BRF1: variants seen among roughly 807,000 people sequenced by gnomAD.
BRF1 encodes transcription factor IIIB 90 kDa subunit.
BRF1 carries 59 observed loss-of-function variants against 81.7 expected under a neutral mutation model. That is an observed-to-expected ratio of 0.72 (90% confidence interval 0.59 to 0.90). The LOEUF (loss-of-function observed/expected upper bound fraction) is 0.90, where lower values mean the gene tolerates loss of function less well. Among genes scored for constraint, BRF1 ranks in the 40% least tolerant of loss-of-function variants. The probability of loss-of-function intolerance (pLI) is 0.00; values close to 1 mark genes in which losing one functional copy is unlikely to be tolerated. For synonymous variants in BRF1, 491 were observed against 395.6 expected (o/e 1.24, Z -2.86); for missense variants, 1,050 against 936.3 (o/e 1.12, Z -1.58).
intron 3 of BRF1, among the ~76,000 whole-genome samples, chr14:105,272,419 G>C (rs587727180): frequency 6.6e-6 from 1 of 152,206 alleles, no homozygotes; most frequent in Non-Finnish European, 1.5e-5. Flanking sequence ...CACCCAAGGC[G>C]CAGTAGGTCC....
At chr14:105,229,216 G>A (rs587648067) in intron 6 of BRF1, among the ~76,000 whole-genome samples, 36 of 152,348 alleles carry the variant, frequency 2.4e-4, no homozygotes, top group African/African-American at 8.2e-4. Flanking sequence ...TGACTGTGCG[G>A]GAAACACAGC....
intron 5 of BRF1, among the ~76,000 whole-genome samples, chr14:105,244,581 C>G (rs905216750): frequency 2.0e-5 from 3 of 152,096 alleles, no homozygotes; most frequent in African/African-American, 7.2e-5. Flanking sequence ...ACAGGCATGG[C>G]ATTTCATCAT....
intron 15 of BRF1, 122 bp from the exon 16 acceptor site, chr14:105,212,286 G>A (rs2141353790): frequency 7.6e-7 from 1 of 1,318,872 alleles, no homozygotes; most frequent in South Asian, 1.4e-5. Flanking sequence ...CCCTTTGGAA[G>A]CCTGGTTCTG....
At chr14:105,215,888 C>A (rs1188227652) in intron 15 of BRF1, among the ~76,000 whole-genome samples, 5 of 150,582 alleles carry the variant, frequency 3.3e-5, no homozygotes, top group Admixed American at 3.3e-4. Context: ...TGCAGGCATA[C>A]AGACACAGGC....
chr14:105,285,963 T>C (rs1318859737), intron 2 of BRF1, among the ~76,000 whole-genome samples: 1 of 152,230 alleles, frequency 6.6e-6, no homozygotes, highest in Non-Finnish European at 1.5e-5. Flanking sequence ...AACTGGCACT[T>C]TGACAAAACG....
Position 105,218,998 on chromosome 14 carries a change from C to T in BRF1, c.1515G>A (p.Lys505=), listed in dbSNP as rs1891797959. The T allele has an allele frequency of 6.2e-7, 1 of 1,613,760 alleles. No individual in the cohort carries two copies. Among genetic ancestry groups the T allele is most frequent in the South Asian group, 1.1e-5 (1 of 91,090 alleles). Residue 505 remains lysine (K), a splice_region_variant and synonymous_variant, in exon 14 of 18, where the codon AAG becomes AAA. Coordinates refer to ENST00000547530, the MANE Select transcript of BRF1 (RefSeq NM_001519.4). ...CAGGCCCAGCGTCACAGGCGCCCAC[C>T]TTGTGTTCCTTGTAGATGCCGAGCT... is the stretch of plus-strand genomic sequence containing the variant. ...EKELGIYKEH[K]PKKSCKRREP...
intron 1 of BRF1, among the ~76,000 whole-genome samples, chr14:105,294,386 A>G (rs906742248): frequency 5.9e-5 from 9 of 152,080 alleles, no homozygotes; most frequent in Non-Finnish European, 1.3e-4. Context: ...GCTCCACACC[A>G]CCATCCTCCC....
chr14:105,228,566 G>T (rs9806114), intron 7 of BRF1, among the ~76,000 whole-genome samples: 2 of 151,568 alleles, frequency 1.3e-5, no homozygotes. Flanking sequence ...AAAATACAGG[G>T]ATCGGAGGAG....
intron 5 of BRF1, chr14:105,249,115 C>T: frequency 1.3e-6 from 2 of 1,505,258 alleles, no homozygotes. Context: ...CCCCCGCGCC[C>T]GCGCGCGCCC....
intron 10 of BRF1, among the ~76,000 whole-genome samples, chr14:105,223,071 C>T (rs1319696987): frequency 1.3e-5 from 2 of 152,130 alleles, no homozygotes; most frequent in Non-Finnish European, 2.9e-5. Context: ...TGCCCGCCTG[C>T]AGTCCCAGCT....
At chr14:105,291,772 T>C (rs911773430) in intron 1 of BRF1, among the ~76,000 whole-genome samples, 17 of 151,050 alleles carry the variant, frequency 1.1e-4, no homozygotes, top group African/African-American at 3.9e-4. Context: ...CCAAGGCGGG[T>C]GGATCACCTG....
rs1330015149 is a variant in BRF1, at chr14:105,314,935, G to T, written c.-162+387C>A. 4.4e-6 allele frequency: 5 copies of T among 1,129,720 alleles called. No homozygotes were observed. Among genetic ancestry groups the T allele is most frequent in the East Asian group, 7.1e-5 (1 of 14,002 alleles). 70.0% of individuals were successfully genotyped at this position (1,129,720 alleles called of 1,614,324 possible). A position where few individuals can be genotyped will look rare whatever the true frequency, so the allele number is the denominator to read the frequency against. On this transcript the variant is annotated intron_variant, in intron 1 of 17. Coordinates refer to the BRF1 transcript ENST00000327359. ...GCCGGCGCCATGGCCGAGCGAGGCC[G>T]CCTCGGCCTCCCCGGCGCGCCCGGC...
chr14:105,217,033 A>T (rs587721150), intron 15 of BRF1, among the ~76,000 whole-genome samples: 1 of 152,326 alleles, frequency 6.6e-6, no homozygotes, highest in South Asian at 2.1e-4. Flanking sequence ...GCGGCCCTGC[A>T]TGGAGCTGCA....
intron 1 of BRF1, among the ~76,000 whole-genome samples, chr14:105,292,179 C>G (rs774212217): frequency 2.0e-5 from 3 of 151,844 alleles, no homozygotes; most frequent in Non-Finnish European, 4.4e-5. Flanking sequence ...TTTTTGTTTT[C>G]TTTGTTTGTT....
Position 105,249,166 on chromosome 14 carries a change from C to T in BRF1, c.544+3341G>A, listed in dbSNP as rs750534400. 154 of 1,581,626 alleles carry T rather than the reference C, an allele frequency of 9.7e-5. 5 individuals carry two copies. In the South Asian group the frequency reaches 1.6e-3, roughly 16 times the overall value. On this transcript the variant is annotated intron_variant, in intron 5 of 17. Transcript: ENST00000547530. ...GCCTCTACCTTTGCAGGAACGCGCT[C>T]ATGTTCAACAACGAGCTCATGGCCG...
intron 2 of BRF1, among the ~76,000 whole-genome samples, chr14:105,282,017 C>T (rs935962850): frequency 2.0e-5 from 3 of 152,278 alleles, no homozygotes; most frequent in Admixed American, 1.3e-4. Flanking sequence ...CCCCACCTAG[C>T]GGCATTTCAG....
At chr14:105,267,465 ATT>A (rs113422074) in intron 3 of BRF1, among the ~76,000 whole-genome samples, 1 of 147,338 alleles carries the variant, frequency 6.8e-6, no homozygotes, top group Admixed American at 6.8e-5. Flanking sequence ...CACCAGCTGG[ATT>A]TTTTTTTTTG....
chr14:105,287,413 C>A (rs1255064772), intron 1 of BRF1, among the ~76,000 whole-genome samples: 1 of 152,128 alleles, frequency 6.6e-6, no homozygotes, highest in Non-Finnish European at 1.5e-5. Context: ...CTGGAAAGTG[C>A]CCCCCGCCCC....
chr14:105,263,769 C>G (rs587674737), intron 3 of BRF1, among the ~76,000 whole-genome samples: 1 of 151,756 alleles, frequency 6.6e-6, no homozygotes, highest in Non-Finnish European at 1.5e-5. Context: ...ACTAAAAATA[C>G]AAAAAATCAG....
Sources: allele counts gnomAD v4.1 joint callset (sites outside exome capture counted in the v4.1 genomes callset), GRCh38; gene constraint gnomAD v4.1.1; transcripts MANE v1.5; gene names NCBI Gene and HGNC (gene_info 2026-07-23, HGNC 2026-07-21).